The following DNAH9 variants were observed in gnomAD, a reference collection of about 807,000 sequenced individuals.
DNAH9 encodes dynein axonemal heavy chain 9, also known as DNAH9 variant protein.
In DNAH9, 345 loss-of-function variants were observed where a neutral mutation model predicts 471.6. The ratio of observed to expected loss-of-function variants is 0.73; its 90% CI spans 0.67 to 0.80. The LOEUF (loss-of-function observed/expected upper bound fraction) is 0.80. Among genes scored for constraint, DNAH9 ranks in the 30% least tolerant of loss-of-function variants. The pLI, the probability that DNAH9 is intolerant of heterozygous loss-of-function variation, is 0.00. For missense variants in DNAH9, 5,407 were observed against 5,609.2 expected, an observed-to-expected ratio of 0.96 and a Z score of 1.15; for synonymous variants, 2,093 against 2,123.6, an observed-to-expected ratio of 0.99 and a Z score of 0.40.
At chr17:11,852,181 C>T (rs551414643) in intron 49 of DNAH9, among the ~76,000 whole-genome samples, 2 of 152,274 alleles carry the variant, frequency 1.3e-5, no homozygotes, top group African/African-American at 4.8e-5. Context: ...GTTTGTGGAT[C>T]AAGAGCACCT....
In DNAH9 at chr17:11,623,363, CCTT is replaced by C. The variant is rs1009032423; in HGVS notation, c.1350+3585_1350+3587del. On this transcript the variant is annotated intron_variant, in intron 6 of 68. Coordinates refer to ENST00000262442, the MANE Select transcript of DNAH9 (RefSeq NM_001372.4). This position sits in a 1 kb window ranked among gnomAD's most constrained non-coding sequence, Gnocchi z 4.1. The stretch of plus-strand genomic sequence containing the variant: ...CTTGGTCCCCCTTTCACTTTGTTCT[CCTT>C]CTCTATTTTCTAACTTCCCTGACCT... 9.2e-4 allele frequency among the ~76,000 whole-genome samples: 140 copies of C among 152,132 alleles called. No homozygotes were observed. The highest frequency in any genetic ancestry group is 3.1e-3 in the African/African-American group (128 of 41,510).
intron 59 of DNAH9, among the ~76,000 whole-genome samples, chr17:11,898,625 T>C (rs1180145120): frequency 6.6e-6 from 1 of 152,220 alleles, no homozygotes; most frequent in Non-Finnish European, 1.5e-5. Flanking sequence ...AGCTATCTGG[T>C]GTCCACATGC....
chr17:11,719,609 G>C, intron 27 of DNAH9, 119 bp downstream of exon 27: 5 of 956,166 alleles, frequency 5.2e-6, no homozygotes. Context: ...TCGGAGCCCA[G>C]ATCAGGAGGT....
Position 11,629,599 on chromosome 17 carries a change from G to A in DNAH9, c.1518+15G>A, listed in dbSNP as rs1214593353. On this transcript the variant is annotated intron_variant, in intron 7 of 68. Coordinates refer to ENST00000262442, the MANE Select transcript of DNAH9 (RefSeq NM_001372.4). ...TCCAAAGCACGGTAGGGTTGGGAAG[G>A]GCTGAATCGCCAGCTCTGCCTCTGT... 3.1e-6 allele frequency: 5 copies of A among 1,608,964 alleles called. No individual in the cohort carries two copies. Among genetic ancestry groups the A allele is most frequent in the Non-Finnish European group, 4.2e-6 (5 of 1,177,178 alleles).
At chr17:11,702,096 G>T (rs1423426295) in intron 24 of DNAH9, among the ~76,000 whole-genome samples, 2 of 152,214 alleles carry the variant, frequency 1.3e-5, no homozygotes, top group East Asian at 3.9e-4. Flanking sequence ...TGTGAAGCAG[G>T]AGTTAGCAAG....
chr17:11,941,747 TTAGA>T (rs1270813186), intron 66 of DNAH9, among the ~76,000 whole-genome samples: 1 of 151,326 alleles, frequency 6.6e-6, no homozygotes, highest in African/African-American at 2.4e-5. Context: ...TAGTGATAGA[TTAGA>T]TAGATGGATA....
intron 48 of DNAH9, among the ~76,000 whole-genome samples, chr17:11,824,017 G>A (rs1970405818): frequency 6.6e-6 from 1 of 152,018 alleles, no homozygotes; most frequent in Admixed American, 6.6e-5. Flanking sequence ...TCTCCAAATG[G>A]AACAGGTTTA....
intron 38 of DNAH9, among the ~76,000 whole-genome samples, chr17:11,779,752 T>C (rs1366058648): frequency 6.6e-6 from 1 of 152,198 alleles, no homozygotes; most frequent in Non-Finnish European, 1.5e-5. Flanking sequence ...ATCTCACATA[T>C]AGTTGTTATA....
chr17:11,668,814 T>A (rs986637628), intron 15 of DNAH9, among the ~76,000 whole-genome samples: 1 of 152,092 alleles, frequency 6.6e-6, no homozygotes, highest in Non-Finnish European at 1.5e-5. Flanking sequence ...GTAAATATCC[T>A]GCAGTACCCA....
chr17:11,650,748 G>T (rs2073490054), intron 12 of DNAH9, among the ~76,000 whole-genome samples: 1 of 152,156 alleles, frequency 6.6e-6, no homozygotes, highest in Non-Finnish European at 1.5e-5. Flanking sequence ...GCCCCTATGA[G>T]CCCATCATTT....
At chr17:11,724,003 T>C (rs559304729) in intron 27 of DNAH9, among the ~76,000 whole-genome samples, 1 of 152,330 alleles carries the variant, frequency 6.6e-6, no homozygotes, top group Non-Finnish European at 1.5e-5. Flanking sequence ...AAACATCTTT[T>C]TTATTGATAC....
intron 68 of DNAH9, among the ~76,000 whole-genome samples, chr17:11,965,638 T>C (rs538104286): frequency 6.6e-5 from 10 of 152,312 alleles, no homozygotes; most frequent in African/African-American, 2.2e-4. Context: ...GGATCAAATA[T>C]TGGACTTGCT....
intron 50 of DNAH9, among the ~76,000 whole-genome samples, chr17:11,866,097 T>G (rs1271548378): frequency 1.3e-5 from 2 of 152,142 alleles, no homozygotes; most frequent in Non-Finnish European, 2.9e-5. Flanking sequence ...GGTGCTCTGC[T>G]TTTTAGAGTT....
intron 35 of DNAH9, among the ~76,000 whole-genome samples, chr17:11,761,780 C>A (rs1445872004): frequency 6.6e-6 from 1 of 152,156 alleles, no homozygotes; most frequent in Non-Finnish European, 1.5e-5. Flanking sequence ...GGGAAAGCAG[C>A]TACCTTCCCT....
chr17:11,838,037 A>G (rs1299021721), intron 49 of DNAH9, among the ~76,000 whole-genome samples: 1 of 152,228 alleles, frequency 6.6e-6, no homozygotes, highest in Non-Finnish European at 1.5e-5. Context: ...GATATACAAG[A>G]AAGAAATTAA....
rs565240323 is a variant in DNAH9 at position 11,863,547 on chromosome 17, G to C, written c.9934-5587G>C. 1.2e-3 allele frequency among the ~76,000 whole-genome samples: 185 copies of C among 152,214 alleles called. 1 individual carries two copies. The highest frequency in any genetic ancestry group is 1.7e-3 in the Non-Finnish European group (118 of 67,994). ...GATGCTGGCCTCATAAAATGAGTTA[G>C]GGAGGATTCCCTCTTTTTCTATTGA... On this transcript the variant is annotated intron_variant, in intron 50 of 68. Transcript: ENST00000262442.
chr17:11,807,629 C>T, intron 43 of DNAH9, 103 bp from the exon 44 acceptor site: 5 of 1,255,924 alleles, frequency 4.0e-6, no homozygotes, highest in Admixed American at 2.1e-5. Context: ...CAGCCTGTGA[C>T]GTGCCTCCAA....
Position 11,669,635 on chromosome 17 carries a change from A to C in DNAH9, c.3194A>C (p.Tyr1065Ser). ...CAGTTTAAAGTGCAAATCGACTCCT[A>C]TGAAACGCTCTATGAAGAGGTGTGC... The part of the protein sequence containing the change: ...LSQFKVQIDS[Y>S]ETLYEEVCRL... The change falls in exon 17 of 69, where the codon TAT (tyrosine) becomes TCT (serine). Residue 1065 changes from tyrosine (Y) to serine (S), a missense_variant. Around this residue, in one of 3 missense-constraint regions of DNAH9, gnomAD observed 4,636 missense variants for 4,900.3 expected, o/e 0.95. Transcript: ENST00000262442. 6.2e-7 allele frequency: 1 copy of C among 1,614,168 alleles called. No individual in the cohort carries two copies. The highest frequency in any genetic ancestry group is 8.5e-7 in the Non-Finnish European group (1 of 1,180,022).
intron 1 of DNAH9, among the ~76,000 whole-genome samples, chr17:11,605,023 C>G (rs2072469648): frequency 6.6e-6 from 1 of 152,186 alleles, no homozygotes; most frequent in Non-Finnish European, 1.5e-5. Flanking sequence ...TGTGAATTGA[C>G]TCCCTTTACT....
Sources: allele counts gnomAD v4.1 joint callset (sites outside exome capture counted in the v4.1 genomes callset), GRCh38; gene constraint gnomAD v4.1.1; regional missense constraint gnomAD v4.1.1; non-coding constraint Gnocchi (gnomAD v3.1); transcripts MANE v1.5; gene names NCBI Gene and HGNC (gene_info 2026-07-23, HGNC 2026-07-21).